The following CSMD1 variants were observed in gnomAD, a reference collection of about 807,000 sequenced individuals.
The protein encoded by CSMD1 is CUB and Sushi multiple domains 1.
In CSMD1, 213 loss-of-function variants were observed where a neutral mutation model predicts 417.5. The observed-to-expected ratio is 0.51, with a 90% CI of 0.46 to 0.57. The LOEUF (loss-of-function observed/expected upper bound fraction) is 0.57, where lower values mean the gene tolerates loss of function less well. Among genes scored for constraint, CSMD1 ranks in the 20% least tolerant of loss-of-function variants. The pLI, the probability that CSMD1 is intolerant of heterozygous loss-of-function variation, is 0.00. For missense variants in CSMD1, 6,923 were observed against 4,529.7 expected (o/e 1.53, Z -15.17); for synonymous variants, 2,862 against 1,736.8 (o/e 1.65, Z -16.11).
intron 3 of CSMD1, among the ~76,000 whole-genome samples, chr8:4,265,210 A>G (rs1205418690): frequency 6.6e-6 from 1 of 151,994 alleles, no homozygotes; most frequent in Non-Finnish European, 1.5e-5. Flanking sequence ...CAGTATTTAA[A>G]AATTATTTAG....
chr8:3,347,015 T>C (rs1808050247), intron 22 of CSMD1, among the ~76,000 whole-genome samples: 2 of 152,180 alleles, frequency 1.3e-5, no homozygotes, highest in Non-Finnish European at 2.9e-5. Flanking sequence ...CCCTGTGCCA[T>C]GTTGAAAGAA....
chr8:2,983,222 T>C (rs1805576975), intron 54 of CSMD1, among the ~76,000 whole-genome samples: 1 of 152,194 alleles, frequency 6.6e-6, no homozygotes. Flanking sequence ...AGTCTTGCTC[T>C]GTCTCCCATG....
intron 1 of CSMD1, among the ~76,000 whole-genome samples, chr8:4,638,310 A>C (rs1802969252): frequency 6.6e-6 from 1 of 152,194 alleles, no homozygotes; most frequent in Admixed American, 6.5e-5. Context: ...TAACTGCAAT[A>C]TGTGGTAATA....
chr8:4,086,591 C>G (rs1256804739), intron 3 of CSMD1, among the ~76,000 whole-genome samples: 3 of 152,178 alleles, frequency 2.0e-5, no homozygotes, highest in Non-Finnish European at 1.5e-5. Flanking sequence ...ACTGATGCAG[C>G]TTAACCTTGA....
At chr8:4,189,248 C>G (rs558388173) in intron 3 of CSMD1, among the ~76,000 whole-genome samples, 1 of 152,176 alleles carries the variant, frequency 6.6e-6, no homozygotes, top group Non-Finnish European at 1.5e-5. Flanking sequence ...CTAAGCCCAC[C>G]TTTGCCCATC....
At chr8:4,651,893 C>A (rs545283826) in intron 1 of CSMD1, among the ~76,000 whole-genome samples, 42 of 152,266 alleles carry the variant, frequency 2.8e-4, no homozygotes, top group Non-Finnish European at 4.6e-4. Context: ...TAGGGAGAGA[C>A]ATTAGATTAT....
intron 3 of CSMD1, among the ~76,000 whole-genome samples, chr8:4,298,961 T>A (rs1438467352): frequency 6.6e-6 from 1 of 152,088 alleles, no homozygotes; most frequent in Non-Finnish European, 1.5e-5. Context: ...ATGTCATATA[T>A]AATAGAACAA....
At chr8:3,882,021 C>A (rs554720461) in intron 5 of CSMD1, among the ~76,000 whole-genome samples, 19 of 152,100 alleles carry the variant, frequency 1.2e-4, no homozygotes, top group African/African-American at 4.3e-4. Flanking sequence ...TCTGATGATG[C>A]AACTATTTTT....
At chr8:3,887,112 A>G (rs2627352) in intron 5 of CSMD1, among the ~76,000 whole-genome samples, 7,680 of 152,182 alleles carry the variant, frequency 0.05, 625 homozygotes, top group African/African-American at 0.17. Flanking sequence ...AGAGGGTGGG[A>G]CTTCTACCAA....
At chr8:4,254,082 A>G (rs898143354) in intron 3 of CSMD1, among the ~76,000 whole-genome samples, 4 of 151,622 alleles carry the variant, frequency 2.6e-5, no homozygotes, top group African/African-American at 9.7e-5. Context: ...ACGCCTGGCT[A>G]ATTTTTTTGT....
At chr8:4,475,990 A>G (rs1337187153) in intron 2 of CSMD1, among the ~76,000 whole-genome samples, 1 of 152,106 alleles carries the variant, frequency 6.6e-6, no homozygotes, top group Non-Finnish European at 1.5e-5. Context: ...GCACAGTCAT[A>G]TCTTTCATTT....
At chr8:4,759,512 G>C (rs138128866) in intron 1 of CSMD1, among the ~76,000 whole-genome samples, 18 of 152,240 alleles carry the variant, frequency 1.2e-4, no homozygotes, top group African/African-American at 4.1e-4. Context: ...CCATCACCTA[G>C]GTATTAAGCC....
At chr8:4,255,602 A>G (rs1020737922) in intron 3 of CSMD1, among the ~76,000 whole-genome samples, 4 of 152,210 alleles carry the variant, frequency 2.6e-5, no homozygotes, top group African/African-American at 9.6e-5. Context: ...CATAAAGTTG[A>G]TTATACTTGA....
intron 5 of CSMD1, among the ~76,000 whole-genome samples, chr8:3,960,692 A>C (rs1053005831): frequency 3.9e-5 from 6 of 151,968 alleles, no homozygotes; most frequent in African/African-American, 7.2e-5. Context: ...ATAAAGATAA[A>C]TTTAATAAGA....
intron 5 of CSMD1, among the ~76,000 whole-genome samples, chr8:3,902,695 G>A (rs535664327): frequency 6.6e-6 from 1 of 152,186 alleles, no homozygotes; most frequent in African/African-American, 2.4e-5. Flanking sequence ...TTCTTAACAG[G>A]CTGTGGACTG....
chr8:3,616,201 T>C (rs545174257), intron 8 of CSMD1, among the ~76,000 whole-genome samples: 3 of 152,286 alleles, frequency 2.0e-5, no homozygotes, highest in Admixed American at 1.3e-4. Context: ...GCATCCATAA[T>C]CTCCACATGT....
At chr8:3,494,579 G>GATAC (rs1796284717) in intron 10 of CSMD1, among the ~76,000 whole-genome samples, 1 of 149,888 alleles carries the variant, frequency 6.7e-6, no homozygotes, top group Non-Finnish European at 1.5e-5. Flanking sequence ...TAGATAGATA[G>GATAC]ATAGATAGAT....
intron 3 of CSMD1, among the ~76,000 whole-genome samples, chr8:4,177,764 C>G (rs745698629): frequency 2.0e-5 from 3 of 151,622 alleles, no homozygotes; most frequent in South Asian, 2.1e-4. Flanking sequence ...ACCGATCCCA[C>G]TGAAATACAA....
intron 1 of CSMD1, among the ~76,000 whole-genome samples, chr8:4,926,833 C>T (rs555596622): frequency 6.6e-6 from 1 of 152,060 alleles, no homozygotes; most frequent in Non-Finnish European, 1.5e-5. Flanking sequence ...CCTAGAACTC[C>T]TCCCTAAATA....
Sources: allele counts gnomAD v4.1 joint callset (sites outside exome capture counted in the v4.1 genomes callset), GRCh38; gene constraint gnomAD v4.1.1; transcripts MANE v1.5; gene names NCBI Gene and HGNC (gene_info 2026-07-23, HGNC 2026-07-21).